Variants in LRRC8C observed in about 807,000 individuals in gnomAD.
LRRC8C encodes the protein volume-regulated anion channel subunit LRRC8C.
LRRC8C carries 20 observed loss-of-function variants against 55.3 expected under a neutral mutation model. That is an observed-to-expected ratio of 0.36 (90% confidence interval 0.25 to 0.53). The LOEUF is 0.53. Among genes scored for constraint, LRRC8C ranks in the 20% least tolerant of loss-of-function variants. The probability of loss-of-function intolerance (pLI) is 0.92; values close to 1 mark genes in which losing one functional copy is unlikely to be tolerated. For synonymous variants in LRRC8C, 376 were observed against 360.7 expected, an observed-to-expected ratio of 1.04 and a Z score of -0.48; for missense variants, 659 against 951.4, an observed-to-expected ratio of 0.69 and a Z score of 4.04.
chr1:89,673,370 C>T (rs1035728304), intron 1 of LRRC8C, among the ~76,000 whole-genome samples: 3 of 152,040 alleles, frequency 2.0e-5, no homozygotes, highest in Admixed American at 2.0e-4. Flanking sequence ...GGTTTTCAAC[C>T]GTTTAAAAAA....
chr1:89,702,260 A>C (rs937075776), intron 2 of LRRC8C, among the ~76,000 whole-genome samples: 1 of 152,142 alleles, frequency 6.6e-6, no homozygotes, highest in Non-Finnish European at 1.5e-5. Context: ...TGGAAAACAT[A>C]CACCTACTCA....
chr1:89,719,033 G>A lies in LRRC8C; in HGVS notation c.*4051G>A, dbSNP rs1430358729. ...GTTTCCTGCCAGCCATCCAAACTAA[G>A]CATCCACTCATTCCATCTTCCCAAA... On this transcript the variant is annotated 3_prime_UTR_variant, in exon 3 of 3. Transcript: ENST00000370454. 1.3e-5 allele frequency: 2 copies of A among 152,140 alleles called. No individual in the cohort carries two copies. The highest frequency in any genetic ancestry group is 2.4e-5 in the African/African-American group (1 of 41,424). The allele number at this position is 152,140 out of a possible 1,614,324, so 9.4% of individuals were successfully genotyped here.
At chr1:89,675,885 TGA>T in intron 1 of LRRC8C, among the ~76,000 whole-genome samples, 1 of 152,314 alleles carries the variant, frequency 6.6e-6, no homozygotes, top group African/African-American at 2.4e-5. Context: ...GAGCCATTTC[TGA>T]GAGAGACTAT....
upstream of LRRC8C, among the ~76,000 whole-genome samples, chr1:89,630,649 A>G (rs964864678): frequency 6.6e-6 from 1 of 152,220 alleles, no homozygotes; most frequent in Admixed American, 6.5e-5. Flanking sequence ...TTGCTTCAAA[A>G]TGGTTTATTC....
At chr1:89,670,296 C>T (rs966486856) in intron 1 of LRRC8C, among the ~76,000 whole-genome samples, 24 of 152,130 alleles carry the variant, frequency 1.6e-4, no homozygotes, top group African/African-American at 5.8e-4. Context: ...GTTTTCTTAG[C>T]GTTAAACCTC....
At chr1:89,633,507 T>C (rs1656190946) in intron 1 of LRRC8C, among the ~76,000 whole-genome samples, 185 bp downstream of exon 1, 1 of 152,154 alleles carries the variant, frequency 6.6e-6, no homozygotes, top group Admixed American at 6.5e-5. Flanking sequence ...CTTCCGCTAC[T>C]GCGGCTCAGG....
At chr1:89,688,964 G>A (rs1371560305) in intron 2 of LRRC8C, among the ~76,000 whole-genome samples, 1 of 152,192 alleles carries the variant, frequency 6.6e-6, no homozygotes, top group East Asian at 1.9e-4. Flanking sequence ...TTAAGCCAGG[G>A]TAAGTTCTGA....
chr1:89,694,585 CT>C (rs33917661), intron 2 of LRRC8C, among the ~76,000 whole-genome samples: 200 of 83,242 alleles, frequency 2.4e-3, no homozygotes, highest in Middle Eastern at 0.01. Context: ...TGCCCAGCTT[CT>C]TTTTTTTTTT....
Position 89,715,283 on chromosome 1 carries a change from T to C in LRRC8C, c.*301T>C, listed in dbSNP as rs1658786052. 5.1e-6 allele frequency: 1 copy of C among 195,780 alleles called. No individual in the cohort carries two copies. Among genetic ancestry groups the C allele is most frequent in the Non-Finnish European group, 1.0e-5 (1 of 98,116 alleles). The allele number at this position is 195,780 out of a possible 1,614,324, so 12.1% of individuals were successfully genotyped here. A position where few individuals can be genotyped will look rare whatever the true frequency, so the allele number is the denominator to read the frequency against. ...CTTGTGGAAAGGAGGGAATTATAAG[T>C]TGCATGCTTTTTGGCATTTTTTAAA... On this transcript the variant is annotated 3_prime_UTR_variant, in exon 3 of 3. Transcript: ENST00000370454.
chr1:89,626,942 T>C, the LRRC8C span: 2 of 144,652 alleles, frequency 1.4e-5, no homozygotes, highest in African/African-American at 5.3e-5. Flanking sequence ...GGGCTGAAAA[T>C]TCCAACCCTC....
At chr1:89,633,864 A>G (rs990599287) in intron 1 of LRRC8C, among the ~76,000 whole-genome samples, 2 of 152,168 alleles carry the variant, frequency 1.3e-5, no homozygotes, top group Non-Finnish European at 2.9e-5. Context: ...GAAGGGGTTC[A>G]GCTTGATCGG....
chr1:89,648,060 C>T (rs977086329), intron 1 of LRRC8C, among the ~76,000 whole-genome samples: 6 of 151,950 alleles, frequency 3.9e-5, no homozygotes, highest in African/African-American at 1.5e-4. Flanking sequence ...CAGAGCAAGA[C>T]CCTGTCTCAA....
intron 1 of LRRC8C, chr1:89,661,147 G>C: frequency 5.6e-6 from 1 of 177,668 alleles, no homozygotes; most frequent in Admixed American, 6.1e-5. Flanking sequence ...TGGTTAAGCG[G>C]AAAATTGTGT....
chr1:89,710,031 G>A (rs529197659), intron 2 of LRRC8C, among the ~76,000 whole-genome samples: 129 of 152,272 alleles, frequency 8.5e-4, no homozygotes, highest in African/African-American at 3.0e-3. Context: ...GATTACAGGC[G>A]TGAGTCACGG....
intron 2 of LRRC8C, among the ~76,000 whole-genome samples, chr1:89,699,308 T>C (rs1658257405): frequency 6.6e-6 from 1 of 152,202 alleles, no homozygotes; most frequent in African/African-American, 2.4e-5. Flanking sequence ...AGTGGATACA[T>C]GTTGTTATAC....
chr1:89,693,307 A>G (rs1226612948), intron 2 of LRRC8C, among the ~76,000 whole-genome samples: 1 of 152,216 alleles, frequency 6.6e-6, no homozygotes, highest in Non-Finnish European at 1.5e-5. Context: ...TCCATGACAA[A>G]TGACCTTCAG....
chr1:89,704,973 C>T (rs568698203), intron 2 of LRRC8C, among the ~76,000 whole-genome samples: 32 of 151,560 alleles, frequency 2.1e-4, no homozygotes, highest in African/African-American at 7.8e-4. Context: ...CACATGCACA[C>T]GTATGTTTAT....
At chr1:89,630,735 G>A (rs954648707), upstream of LRRC8C, among the ~76,000 whole-genome samples, 6 of 152,186 alleles carry the variant, frequency 3.9e-5, no homozygotes, top group Admixed American at 3.9e-4. Context: ...ACTTCTTTAA[G>A]ACCCTCACTC....
Position 89,714,841 on chromosome 1 carries a change from A to G in LRRC8C, c.2271A>G (p.Leu757=). 6.2e-7 allele frequency: 1 copy of G among 1,614,132 alleles called. No homozygotes were observed. The highest frequency in any genetic ancestry group is 8.5e-7 in the Non-Finnish European group (1 of 1,179,998). ...GAAATTTGCTATTTCTTTCCTACTTAGATGTAAAAGGTAATCACTTTGAAA... is the reference window on the plus strand; with the variant it reads ...GAAATTTGCTATTTCTTTCCTACTTGGATGTAAAAGGTAATCACTTTGAAA... ...KIGNLLFLSY[L]DVKGNHFEIL... is the part of the protein sequence containing the mutation. The change falls in exon 3 of 3, where the codon TTA becomes TTG. Residue 757 remains leucine, a synonymous_variant. Coordinates refer to ENST00000370454, the MANE Select transcript of LRRC8C (RefSeq NM_032270.5). This position sits in a 1 kb window ranked among gnomAD's most constrained non-coding sequence, Gnocchi z 4.6.
Sources: gnomAD v4.1 joint callset for allele counts (sites outside exome capture counted in the v4.1 genomes callset) on GRCh38, gnomAD v4.1.1 for gene constraint, Gnocchi (gnomAD v3.1) non-coding constraint, MANE v1.5 for transcripts, NCBI Gene and HGNC (gene_info 2026-07-23, HGNC 2026-07-21) for gene names.